NARS2: variants seen among roughly 807,000 people sequenced by gnomAD.
The protein encoded by NARS2 is asparaginyl-tRNA synthetase.
NARS2 carries 60 observed loss-of-function variants against 62.9 expected under a neutral mutation model. The ratio of observed to expected loss-of-function variants is 0.95; its 90% CI spans 0.77 to 1.18. The LOEUF (loss-of-function observed/expected upper bound fraction) is 1.18, where lower values mean the gene tolerates loss of function less well. NARS2 is among the 50% of genes most tolerant of loss of function. The pLI is 0.00. For missense variants in NARS2, 619 were observed against 576.4 expected (o/e 1.07, Z -0.76); for synonymous variants, 196 against 200.0 (o/e 0.98, Z 0.17).
At chr11:78,537,327 A>AT (rs1210912253) in intron 5 of NARS2, among the ~76,000 whole-genome samples, 1 of 152,222 alleles carries the variant, frequency 6.6e-6, no homozygotes, top group Non-Finnish European at 1.5e-5. Flanking sequence ...CAAGAGGGAG[A>AT]TAAAGTCCTC....
At chr11:78,454,151 A>G (rs1858069033) in intron 11 of NARS2, among the ~76,000 whole-genome samples, 1 of 151,932 alleles carries the variant, frequency 6.6e-6, no homozygotes, top group African/African-American at 2.4e-5. Flanking sequence ...AAACGGCACC[A>G]CTCTACTTTT....
At chr11:78,469,378 T>A in intron 9 of NARS2, 65 bp from the exon 10 acceptor site, 1 of 1,241,564 alleles carries the variant, frequency 8.1e-7, no homozygotes, top group Admixed American at 1.7e-5. Flanking sequence ...TAGTTCATTT[T>A]AAAACCAGAA....
At chr11:78,437,465 T>C (rs1857443040) in intron 13 of NARS2, among the ~76,000 whole-genome samples, 1 of 152,158 alleles carries the variant, frequency 6.6e-6, no homozygotes, top group South Asian at 2.1e-4. Flanking sequence ...CCAGAGTCAT[T>C]TAGCTGACAT....
intron 6 of NARS2, among the ~76,000 whole-genome samples, chr11:78,528,423 T>C (rs779880455): frequency 4.6e-5 from 7 of 152,168 alleles, no homozygotes; most frequent in Admixed American, 6.5e-5. Context: ...TGTACACCTC[T>C]CAAAATGTAG....
At position 78,505,845 on chromosome 11, in the gene NARS2, A is replaced by AT. The variant is rs573735474; in HGVS notation, c.690-12651_690-12650insA. Among the ~76,000 whole-genome samples, 48 of 152,290 alleles carry AT rather than the reference A, an allele frequency of 3.2e-4. No homozygotes were observed. The East Asian group carries it at 9.3e-3, about 29-fold the overall frequency. ...GGATAAAGAAATTCATGAACCACAT[A>AT]AGAAAAAGACTATAATACACTAACA... On this transcript the variant is annotated intron_variant, in intron 6 of 13. Coordinates refer to ENST00000281038, the MANE Select transcript of NARS2 (RefSeq NM_024678.6).
At chr11:78,449,807 C>A (rs1189027038) in intron 11 of NARS2, among the ~76,000 whole-genome samples, 1 of 152,162 alleles carries the variant, frequency 6.6e-6, no homozygotes, top group Non-Finnish European at 1.5e-5. Context: ...AAAAACATTT[C>A]CAGACATTAC....
At chr11:78,498,850 T>C (rs1019304409) in intron 6 of NARS2, among the ~76,000 whole-genome samples, 2 of 150,862 alleles carry the variant, frequency 1.3e-5, no homozygotes, top group Non-Finnish European at 3.0e-5. Flanking sequence ...TACATATATA[T>C]ATATTTTATT....
chr11:78,473,329 T>G (rs1858953096), intron 9 of NARS2, among the ~76,000 whole-genome samples: 1 of 152,246 alleles, frequency 6.6e-6, no homozygotes, highest in African/African-American at 2.4e-5. Context: ...TATGTGAAGA[T>G]ACTATTTTAT....
At chr11:78,444,390 A>T (rs1375268450) in intron 11 of NARS2, among the ~76,000 whole-genome samples, 1 of 152,134 alleles carries the variant, frequency 6.6e-6, no homozygotes, top group Non-Finnish European at 1.5e-5. Flanking sequence ...GTATAAAATT[A>T]AAAAAACAAG....
intron 4 of NARS2, among the ~76,000 whole-genome samples, chr11:78,561,470 A>G (rs1825664849): frequency 6.6e-6 from 1 of 152,200 alleles, no homozygotes; most frequent in African/African-American, 2.4e-5. Flanking sequence ...AATAAAAGCA[A>G]CCACTTTCAC....
intron 9 of NARS2, among the ~76,000 whole-genome samples, chr11:78,469,855 G>A (rs1858793724): frequency 6.6e-6 from 1 of 152,068 alleles, no homozygotes; most frequent in Non-Finnish European, 1.5e-5. Context: ...AAATAAAGTG[G>A]AATAAGAAGG....
Position 78,443,776 on chromosome 11 carries a change from ATT to A in NARS2, c.1165-20_1165-19del. Reference sequence around the variant, plus strand: ...GCAGCAACCTAAGGAAAAAAAAAAAATTATTAGCATTATATTTTCAGGTGATT... The same window carrying A: ...GCAGCAACCTAAGGAAAAAAAAAAAAATTAGCATTATATTTTCAGGTGATT... On this transcript the variant is annotated intron_variant, in intron 11 of 13. Coordinates refer to ENST00000281038, the MANE Select transcript of NARS2 (RefSeq NM_024678.6). 5.9e-6 allele frequency: 9 copies of A among 1,524,134 alleles called. No individual in the cohort carries two copies. The highest frequency in any genetic ancestry group is 8.2e-6 in the Non-Finnish European group (9 of 1,102,106). The allele number at this position is 1,524,134 out of a possible 1,614,324, so 94.4% of individuals were successfully genotyped here.
At chr11:78,459,524 C>A (rs184946724) in intron 11 of NARS2, among the ~76,000 whole-genome samples, 1 of 152,070 alleles carries the variant, frequency 6.6e-6, no homozygotes, top group Admixed American at 6.5e-5. Flanking sequence ...CCCGCCTCGG[C>A]CTCCCAAAGT....
At chr11:78,455,695 C>T (rs1201007601) in intron 11 of NARS2, among the ~76,000 whole-genome samples, 1 of 152,048 alleles carries the variant, frequency 6.6e-6, no homozygotes, top group African/African-American at 2.4e-5. Flanking sequence ...TGCCACCCCA[C>T]ACAAACTCTT....
chr11:78,466,719 G>C (rs182885995), intron 10 of NARS2, among the ~76,000 whole-genome samples: 3 of 152,244 alleles, frequency 2.0e-5, no homozygotes, highest in African/African-American at 7.2e-5. Flanking sequence ...CTGATTTCGT[G>C]ATCTGCCCAC....
intron 6 of NARS2, 56 bp from the exon 7 acceptor site, chr11:78,493,251 T>C: frequency 1.4e-6 from 2 of 1,474,918 alleles, no homozygotes; most frequent in Non-Finnish European, 1.8e-6. Flanking sequence ...ATTTTAAGTA[T>C]TTAAATATTC....
chr11:78,493,183 T>C lies in NARS2; in HGVS notation c.702A>G (p.Gln234=), dbSNP rs1277509460. Residue 234 remains glutamine, a synonymous_variant, in exon 7 of 14, where the codon CAA becomes CAG. Coordinates refer to ENST00000281038, the MANE Select transcript of NARS2 (RefSeq NM_024678.6). ...HLEVMSGAFT[Q]VFTFGPTFRA... Reference sequence around the variant, plus strand: ...GGAAGGTCGGACCAAAGGTAAACACTTGAGTAAAAGCTCTGCAATTCAAGA... The same window carrying C: ...GGAAGGTCGGACCAAAGGTAAACACCTGAGTAAAAGCTCTGCAATTCAAGA... The C allele has an allele frequency of 9.9e-6, 16 of 1,613,222 alleles. No homozygotes were observed. The highest frequency in any genetic ancestry group is 1.3e-5 in the Non-Finnish European group (15 of 1,179,798).
At chr11:78,557,961 T>C (rs1240278775) in intron 5 of NARS2, among the ~76,000 whole-genome samples, 1 of 151,920 alleles carries the variant, frequency 6.6e-6, no homozygotes, top group Non-Finnish European at 1.5e-5. Context: ...TTCATTTGGG[T>C]CTCTTTAACA....
chr11:78,465,395 T>C (rs1052069311), intron 11 of NARS2, among the ~76,000 whole-genome samples: 1 of 152,242 alleles, frequency 6.6e-6, no homozygotes, highest in Non-Finnish European at 1.5e-5. Flanking sequence ...GCCGCCAAAG[T>C]GGGCGCCAAG....
Sources: gnomAD v4.1 joint callset for allele counts (sites outside exome capture counted in the v4.1 genomes callset) on GRCh38, gnomAD v4.1.1 for gene constraint, MANE v1.5 for transcripts, NCBI Gene and HGNC (gene_info 2026-07-23, HGNC 2026-07-21) for gene names.